Variants in DYNC2H1 observed in about 807,000 individuals in gnomAD.
DYNC2H1 encodes the protein dynein cytoplasmic 2 heavy chain 1.
In DYNC2H1, 410 loss-of-function variants were observed where a neutral mutation model predicts 570.0. That is an observed-to-expected ratio of 0.72 (90% CI 0.66 to 0.78). The LOEUF (loss-of-function observed/expected upper bound fraction) is 0.78. Among genes scored for constraint, DYNC2H1 ranks in the 30% least tolerant of loss-of-function variants. DYNC2H1 has a pLI of 0.00. For missense variants in DYNC2H1, 4,865 were observed against 5,046.4 expected (o/e 0.96, Z 1.09); for synonymous variants, 1,688 against 1,677.6 (o/e 1.01, Z -0.15).
intron 45 of DYNC2H1, among the ~76,000 whole-genome samples, chr11:103,190,253 G>A (rs1056695022): frequency 1.3e-5 from 2 of 152,158 alleles, no homozygotes; most frequent in African/African-American, 2.4e-5. Flanking sequence ...GAAGATACTT[G>A]AAAGTAGGCA....
Position 103,399,837 on chromosome 11 carries a change from G to A in DYNC2H1, c.12331G>A (p.Val4111Ile). ...AGGAACTACTTTACTGAGTTCAGAA[G>A]TACAAAAATTGGCAAGTGCTTTATT... The part of the protein sequence containing the change: ...IRGTTLLSSE[V>I]QKLASALLNQ... Residue 4111 changes from valine to isoleucine, a missense_variant, in exon 84 of 89, where the codon GTA becomes ATA. This residue lies in a region of DYNC2H1 where 2,401 missense variants were observed against 2,454.6 expected (regional missense o/e 0.98). Coordinates refer to ENST00000375735, the MANE Select transcript of DYNC2H1 (RefSeq NM_001377.3). 1.9e-6 allele frequency: 3 copies of A among 1,613,802 alleles called. No individual in the cohort carries two copies. Among genetic ancestry groups the A allele is most frequent in the Non-Finnish European group, 2.5e-6 (3 of 1,179,818 alleles).
chr11:103,252,424 C>T lies in DYNC2H1; in HGVS notation c.10043-861C>T, dbSNP rs913472903. 6.6e-6 allele frequency among the ~76,000 whole-genome samples: 1 copy of T among 152,084 alleles called. No individual in the cohort carries two copies. The highest frequency in any genetic ancestry group is 2.1e-4 in the South Asian group (1 of 4,824). ...GTTCTGTTTTTAATTTCTTTAGGAA[C>T]CTTCCTACCATTTTTCATAATGGCT... On this transcript the variant is annotated intron_variant, in intron 65 of 88. Coordinates refer to ENST00000375735, the MANE Select transcript of DYNC2H1 (RefSeq NM_001377.3). This position sits in a 1 kb window ranked among gnomAD's most constrained non-coding sequence, Gnocchi z 4.6.
chr11:103,478,954 G>A lies in DYNC2H1; in HGVS notation c.12766-141G>A, dbSNP rs573757886. On this transcript the variant is annotated intron_variant, in intron 88 of 88. Transcript: ENST00000375735. ...GATAGGCCATGTGTTTCATTTTGTT[G>A]CAGGGGGATGATAGGGGTTCATCAT... 6 of 945,656 alleles carry A rather than the reference G, an allele frequency of 6.3e-6. No individual in the cohort carries two copies. In the South Asian group the frequency reaches 1.1e-4, roughly 17 times the overall value. 58.6% of individuals were successfully genotyped at this position (945,656 alleles called of 1,614,324 possible).
At chr11:103,408,338 A>T (rs1018001046) in intron 84 of DYNC2H1, 1 of 152,048 alleles carries the variant, frequency 6.6e-6, no homozygotes, top group African/African-American at 2.4e-5. Context: ...TAGCAATTAT[A>T]GTGGGAATAA....
intron 75 of DYNC2H1, among the ~76,000 whole-genome samples, chr11:103,291,250 C>T (rs1398785716): frequency 2.0e-5 from 3 of 152,068 alleles, no homozygotes; most frequent in Non-Finnish European, 4.4e-5. Context: ...CCAGCCTGGA[C>T]AACATGGTGA....
chr11:103,416,315 TAAAAA>T (rs1258785803), intron 84 of DYNC2H1, among the ~76,000 whole-genome samples: 4 of 151,854 alleles, frequency 2.6e-5, no homozygotes, highest in Admixed American at 2.6e-4. Context: ...TAATTAATAA[TAAAAA>T]AGAAAAAACT....
intron 87 of DYNC2H1, among the ~76,000 whole-genome samples, chr11:103,457,960 T>C (rs1944854074): frequency 6.6e-6 from 1 of 152,242 alleles, no homozygotes; most frequent in African/African-American, 2.4e-5. Context: ...ATTAAAAGTA[T>C]AAAATAAAAA....
intron 84 of DYNC2H1, chr11:103,405,979 C>T (rs1254702857): frequency 2.6e-5 from 4 of 151,942 alleles, no homozygotes; most frequent in East Asian, 3.9e-4. Context: ...CGCCTTTCCC[C>T]GACAAGGGCA....
chr11:103,148,726 AG>A, intron 20 of DYNC2H1, 109 bp downstream of exon 20: 1 of 1,314,074 alleles, frequency 7.6e-7, no homozygotes, highest in African/African-American at 1.5e-5. Context: ...CAACATTATA[AG>A]GAGGTCCACA....
chr11:103,406,714 C>G (rs2135671613), intron 84 of DYNC2H1: 1 of 152,042 alleles, frequency 6.6e-6, no homozygotes, highest in South Asian at 2.1e-4. Flanking sequence ...GAGGAGTAGG[C>G]TAGGATTTTG....
chr11:103,132,839 G>A (rs1208493385), intron 13 of DYNC2H1, among the ~76,000 whole-genome samples: 4 of 151,902 alleles, frequency 2.6e-5, no homozygotes, highest in Non-Finnish European at 5.9e-5. Context: ...CCAAGCTGGG[G>A]TGTAAGCTCA....
chr11:103,253,559 G>A, intron 66 of DYNC2H1, 111 bp downstream of exon 66: 1 of 1,084,740 alleles, frequency 9.2e-7, no homozygotes, highest in Non-Finnish European at 1.3e-6. Flanking sequence ...TTACATTTAT[G>A]ATTTTGAAAA....
intron 84 of DYNC2H1, among the ~76,000 whole-genome samples, chr11:103,427,699 A>G (rs76894598): frequency 3.0e-3 from 454 of 152,094 alleles, no homozygotes; most frequent in African/African-American, 9.9e-3. Flanking sequence ...AAGCCCTCTC[A>G]TATCTTTTTA....
Position 103,334,030 on chromosome 11 carries a change from T to C in DYNC2H1, c.12039+10040T>C, listed in dbSNP as rs1222127859. Among the ~76,000 whole-genome samples, 1 of 152,212 alleles carries C rather than the reference T, an allele frequency of 6.6e-6. No homozygotes were observed. Among genetic ancestry groups the C allele is most frequent in the Admixed American group, 6.5e-5 (1 of 15,284 alleles). On this transcript the variant is annotated intron_variant, in intron 82 of 88. Coordinates refer to ENST00000375735, the MANE Select transcript of DYNC2H1 (RefSeq NM_001377.3). The surrounding 1 kb of genome is among the most constrained non-coding windows in gnomAD (Gnocchi z 4.3). Reference sequence around the variant, plus strand: ...TTCAGTGATGGCACATTCTCTAGGCTAAGAACACTTGCAGCATGTTGCCTG... The same window carrying C: ...TTCAGTGATGGCACATTCTCTAGGCCAAGAACACTTGCAGCATGTTGCCTG...
rs1282833368 is a variant in DYNC2H1, at chr11:103,245,471, G to A, written c.10042+97G>A. Reference sequence around the variant, plus strand: ...AGCTTTCAAGAGTCCTCTTCCAGTGGAGTCACACATGATGGGCTTACTTCC... The same window carrying A: ...AGCTTTCAAGAGTCCTCTTCCAGTGAAGTCACACATGATGGGCTTACTTCC... On this transcript the variant is annotated intron_variant, in intron 65 of 88. Transcript: ENST00000375735. The surrounding 1 kb of genome is among the most constrained non-coding windows in gnomAD (Gnocchi z 4.5). 8.2e-7 allele frequency: 1 copy of A among 1,219,026 alleles called. No homozygotes were observed. The allele number at this position is 1,219,026 out of a possible 1,614,324, so 75.5% of individuals were successfully genotyped here.
chr11:103,276,940 T>G (rs537419270), intron 70 of DYNC2H1, among the ~76,000 whole-genome samples: 2 of 152,254 alleles, frequency 1.3e-5, no homozygotes, highest in South Asian at 2.1e-4. Context: ...AGAGTCAATT[T>G]CATTCTCAAC....
In DYNC2H1 at chr11:103,189,694, C is replaced by G. The variant is rs1210400815; in HGVS notation, c.7315C>G (p.Gln2439Glu). Residue 2439 changes from glutamine to glutamate, a missense_variant, in exon 45 of 89, where the codon CAA becomes GAA. By Grantham distance (29) the Gln-to-Glu change is conservative (BLOSUM62 2). This residue lies in a region of DYNC2H1 where 2,401 missense variants were observed against 2,454.6 expected (regional missense o/e 0.98). Transcript: ENST00000375735. This position sits in a 1 kb window ranked among gnomAD's most constrained non-coding sequence, Gnocchi z 4.3. ...TAGTTACCCAGAAAGAGAGCAGTTA[C>G]AAACGATTTATGGAGCATATTTGGA... ...SIDYPEREQL[Q>E]TIYGAYLEPV... 6.2e-7 allele frequency: 1 copy of G among 1,612,846 alleles called. No homozygotes were observed.
chr11:103,430,988 A>G (rs2135741223), intron 84 of DYNC2H1, among the ~76,000 whole-genome samples: 1 of 152,230 alleles, frequency 6.6e-6, no homozygotes, highest in East Asian at 1.9e-4. Context: ...GAATTGTGTT[A>G]TGACTTCCTA....
At chr11:103,375,192 G>A (rs992404984) in intron 83 of DYNC2H1, among the ~76,000 whole-genome samples, 1 of 152,196 alleles carries the variant, frequency 6.6e-6, no homozygotes, top group African/African-American at 2.4e-5. Flanking sequence ...GGGCCTGTGG[G>A]TGCACAGAAA....
Sources: gnomAD v4.1 joint callset for allele counts (sites outside exome capture counted in the v4.1 genomes callset) on GRCh38, gnomAD v4.1.1 for gene constraint, gnomAD v4.1.1 regional missense constraint, Gnocchi (gnomAD v3.1) non-coding constraint, MANE v1.5 for transcripts, NCBI Gene and HGNC (gene_info 2026-07-23, HGNC 2026-07-21) for gene names.